CBLB: variants seen among roughly 807,000 people sequenced by gnomAD.
CBLB encodes Cbl proto-oncogene B.
CBLB carries 31 observed loss-of-function variants against 104.9 expected under a neutral mutation model. That is an observed-to-expected ratio of 0.30 (90% CI 0.22 to 0.40). The LOEUF (loss-of-function observed/expected upper bound fraction) is 0.40, where lower values mean the gene tolerates loss of function less well. Among genes scored for constraint, CBLB ranks in the 10% least tolerant of loss-of-function variants. The probability of loss-of-function intolerance (pLI) is 1.00; values close to 1 mark genes in which losing one functional copy is unlikely to be tolerated. For missense variants in CBLB, 1,062 were observed against 1,214.6 expected (o/e 0.87, Z 1.87); for synonymous variants, 440 against 422.6 (o/e 1.04, Z -0.51).
intron 3 of CBLB, among the ~76,000 whole-genome samples, chr3:105,784,711 C>G (rs1461309347): frequency 1.3e-5 from 2 of 152,146 alleles, no homozygotes; most frequent in African/African-American, 4.8e-5. Flanking sequence ...CCAAACCCAG[C>G]AGGAAAATCC....
chr3:105,743,159 T>C (rs1017672054), intron 6 of CBLB, among the ~76,000 whole-genome samples: 1 of 152,096 alleles, frequency 6.6e-6, no homozygotes, highest in African/African-American at 2.4e-5. Flanking sequence ...ACAACATGCT[T>C]CATTTAATCA....
chr3:105,848,496 C>T (rs1411112258), intron 3 of CBLB, among the ~76,000 whole-genome samples: 1 of 152,038 alleles, frequency 6.6e-6, no homozygotes, highest in Non-Finnish European at 1.5e-5. Context: ...ATTCGGGCTA[C>T]TCATTCATCA....
In CBLB at chr3:105,656,110, A is replaced by T. The variant is rs1210342195; in HGVS notation, c.*2860T>A. ...TTCAATTCTAGAAAAATTTGGTGAG[A>T]TATATCATACATTAGGGGATAAAAC... On this transcript the variant is annotated 3_prime_UTR_variant, in exon 19 of 19. Transcript: ENST00000394030. The T allele has an allele frequency of 4.5e-6, 1 of 222,244 alleles. No individual in the cohort carries two copies. The highest frequency in any genetic ancestry group is 1.4e-3 in the Middle Eastern group (1 of 720). 13.8% of individuals were successfully genotyped at this position (222,244 alleles called of 1,614,324 possible). A position where few individuals can be genotyped will look rare whatever the true frequency, so the allele number is the denominator to read the frequency against.
intron 16 of CBLB, chr3:105,681,123 G>A (rs79758791): frequency 0.011 from 3,427 of 309,248 alleles, 31 homozygotes; most frequent in Non-Finnish European, 0.016. Context: ...TGCAAGAAAA[G>A]CAAGTTCATA....
In CBLB at chr3:105,658,814, T is replaced by C. The variant is rs545891044; in HGVS notation, c.*156A>G. On this transcript the variant is annotated 3_prime_UTR_variant, in exon 19 of 19. Transcript: ENST00000394030. ...CAGCTGTCGACATCCTGAGCAAGCA[T>C]CGGTCTCCTTTGAGAAGCTGCACTC... The C allele has an allele frequency of 7.0e-5, 52 of 740,992 alleles. No homozygotes were observed. The highest frequency in any genetic ancestry group is 6.1e-4 in the South Asian group (34 of 56,110). The allele number at this position is 740,992 out of a possible 1,614,324, so 45.9% of individuals were successfully genotyped here.
intron 4 of CBLB, among the ~76,000 whole-genome samples, chr3:105,753,846 G>A (rs992481960): frequency 7.2e-4 from 110 of 152,106 alleles, no homozygotes; most frequent in African/African-American, 2.6e-3. Flanking sequence ...CCAGTTATAC[G>A]AGATGTATGA....
At chr3:105,808,608 T>C (rs1455865656) in intron 3 of CBLB, among the ~76,000 whole-genome samples, 1 of 152,222 alleles carries the variant, frequency 6.6e-6, no homozygotes, top group African/African-American at 2.4e-5. Context: ...AAACATATAA[T>C]AACTGTTCCT....
intron 10 of CBLB, among the ~76,000 whole-genome samples, chr3:105,704,453 T>C (rs1320359576): frequency 3.9e-5 from 6 of 152,204 alleles, no homozygotes; most frequent in Non-Finnish European, 2.9e-5. Context: ...CAAATGCAGA[T>C]ATTCTTCAAG....
At chr3:105,851,447 T>C (rs916242421) in intron 3 of CBLB, among the ~76,000 whole-genome samples, 4 of 152,182 alleles carry the variant, frequency 2.6e-5, no homozygotes, top group Non-Finnish European at 5.9e-5. Flanking sequence ...TATAACACTG[T>C]AATGGTGGAT....
intron 11 of CBLB, 100 bp downstream of exon 11, chr3:105,703,888 T>C: frequency 8.8e-7 from 1 of 1,133,304 alleles, no homozygotes; most frequent in Non-Finnish European, 1.3e-6. Context: ...TATTCACAAT[T>C]AAAAGCAAAA....
At chr3:105,834,307 T>C (rs1262774261) in intron 3 of CBLB, among the ~76,000 whole-genome samples, 1 of 152,218 alleles carries the variant, frequency 6.6e-6, no homozygotes, top group Non-Finnish European at 1.5e-5. Flanking sequence ...TTCCACAATG[T>C]ATACATATAC....
In CBLB at chr3:105,722,310, G is replaced by A. The variant is rs555525192; in HGVS notation, c.1204-2060C>T. On this transcript the variant is annotated intron_variant, in intron 9 of 18. Coordinates refer to ENST00000394030, the MANE Select transcript of CBLB (RefSeq NM_170662.5). ...AGAATGGAAAGCAGTACTTTGAGAC[G>A]TACATAGTCTCATACATTTAAAAAA... Among the ~76,000 whole-genome samples the A allele has an allele frequency of 1.1e-3, 168 of 151,612 alleles. 1 individual carries two copies. The highest frequency in any genetic ancestry group is 3.6e-3 in the African/African-American group (150 of 41,380).
At chr3:105,801,113 A>G (rs1231131925) in intron 3 of CBLB, among the ~76,000 whole-genome samples, 2 of 152,188 alleles carry the variant, frequency 1.3e-5, no homozygotes, top group African/African-American at 4.8e-5. Flanking sequence ...AGCAGGCTGA[A>G]AACCAAATTT....
intron 16 of CBLB, chr3:105,681,114 G>C (rs888840590): frequency 2.1e-5 from 6 of 291,956 alleles, no homozygotes; most frequent in Admixed American, 4.6e-5. Context: ...TGCTCATGCT[G>C]CAAGAAAAGC....
chr3:105,863,151 C>A (rs1302630669), intron 2 of CBLB, among the ~76,000 whole-genome samples: 2 of 152,166 alleles, frequency 1.3e-5, no homozygotes, highest in Admixed American at 6.5e-5. Context: ...TTAAGGCCTG[C>A]ATTATATGAA....
chr3:105,834,163 A>T (rs1379082204), intron 3 of CBLB, among the ~76,000 whole-genome samples: 1 of 67,770 alleles, frequency 1.5e-5, no homozygotes, highest in Admixed American at 1.5e-4. Context: ...CCGGAGACAT[A>T]AGTTCAAGAG....
At chr3:105,734,287 G>C in intron 8 of CBLB, 147 bp from the exon 9 acceptor site, 1 of 797,316 alleles carries the variant, frequency 1.3e-6, no homozygotes. Context: ...GACATGTTTT[G>C]AATTGATAAT....
intron 3 of CBLB, among the ~76,000 whole-genome samples, chr3:105,808,249 A>G (rs1453170448): frequency 1.3e-5 from 2 of 152,214 alleles, no homozygotes; most frequent in African/African-American, 4.8e-5. Flanking sequence ...TAAAATACCT[A>G]CAAACTTTAA....
chr3:105,703,871 T>C (rs776085133), intron 11 of CBLB, 117 bp downstream of exon 11: 1 of 875,866 alleles, frequency 1.1e-6, no homozygotes, highest in Non-Finnish European at 1.8e-6. Flanking sequence ...GAGAAACTCA[T>C]CAAACTTATT....
Sources: gnomAD v4.1 joint callset for allele counts (sites outside exome capture counted in the v4.1 genomes callset) on GRCh38, gnomAD v4.1.1 for gene constraint, MANE v1.5 for transcripts, NCBI Gene and HGNC (gene_info 2026-07-23, HGNC 2026-07-21) for gene names.